Variants in ADGRL3 observed in about 807,000 individuals in gnomAD.
The protein encoded by ADGRL3 is calcium-independent alpha-latrotoxin receptor 3.
Under a neutral mutation model 153.5 loss-of-function variants are expected in ADGRL3, and 62 were observed. The observed-to-expected ratio is 0.40, with a 90% CI of 0.33 to 0.50. The LOEUF (loss-of-function observed/expected upper bound fraction) is 0.50. Ranked by LOEUF, ADGRL3 falls within the 20% of genes least tolerant of loss-of-function variation. ADGRL3 has a pLI of 0.47. For synonymous variants in ADGRL3, 710 were observed against 672.5 expected, an observed-to-expected ratio of 1.06 and a Z score of -0.86; for missense variants, 1,641 against 1,859.4, an observed-to-expected ratio of 0.88 and a Z score of 2.16.
chr4:61,310,044 T>C (rs150668489), intron 1 of ADGRL3, among the ~76,000 whole-genome samples: 1 of 151,520 alleles, frequency 6.6e-6, no homozygotes, highest in East Asian at 2.0e-4. Flanking sequence ...ACATTAGATA[T>C]AAATGCAATA....
intron 3 of ADGRL3, among the ~76,000 whole-genome samples, chr4:61,506,492 A>G (rs1327617573): frequency 1.3e-5 from 2 of 152,104 alleles, no homozygotes; most frequent in Non-Finnish European, 2.9e-5. Flanking sequence ...CTGGACTGTA[A>G]CTAAGTCTTT....
intron 21 of ADGRL3, among the ~76,000 whole-genome samples, chr4:62,014,687 G>C (rs1398093575): frequency 6.6e-6 from 1 of 152,080 alleles, no homozygotes; most frequent in Non-Finnish European, 1.5e-5. Context: ...TAAATCTTGA[G>C]AATCATGGCT....
chr4:61,701,776 G>T (rs1472392387), intron 6 of ADGRL3, among the ~76,000 whole-genome samples: 1 of 151,960 alleles, frequency 6.6e-6, no homozygotes, highest in African/African-American at 2.4e-5. Context: ...TGATAGCTTA[G>T]AAGGCACCTT....
At chr4:61,520,248 G>T (rs535515533) in intron 4 of ADGRL3, among the ~76,000 whole-genome samples, 3 of 152,102 alleles carry the variant, frequency 2.0e-5, no homozygotes, top group Non-Finnish European at 4.4e-5. Context: ...AGATATCAAG[G>T]CTTTCCCTAG....
At chr4:61,926,039 C>T (rs2098792959) in intron 13 of ADGRL3, among the ~76,000 whole-genome samples, 1 of 152,154 alleles carries the variant, frequency 6.6e-6, no homozygotes, top group Non-Finnish European at 1.5e-5. Flanking sequence ...CCTACTGCCC[C>T]TTAGGCAACA....
At chr4:61,567,511 G>A (rs2098821195) in intron 4 of ADGRL3, among the ~76,000 whole-genome samples, 2 of 152,178 alleles carry the variant, frequency 1.3e-5, no homozygotes, top group African/African-American at 4.8e-5. Flanking sequence ...ACAGCTAGAA[G>A]ATGCCGTCTA....
At chr4:61,488,250 C>T (rs2152766748) in intron 2 of ADGRL3, among the ~76,000 whole-genome samples, 1 of 152,022 alleles carries the variant, frequency 6.6e-6, no homozygotes, top group African/African-American at 2.4e-5. Context: ...TAAAATTACC[C>T]TAGAGAGATT....
chr4:61,578,414 T>G (rs192668556), intron 4 of ADGRL3, among the ~76,000 whole-genome samples: 39 of 152,194 alleles, frequency 2.6e-4, no homozygotes, highest in African/African-American at 8.7e-4. Context: ...AATAGCTCAT[T>G]CCAGTATCTT....
rs1745777901 is a variant in ADGRL3 at position 62,071,868 on chromosome 4, T to G, written c.*960T>G. The G allele has an allele frequency of 3.1e-6, 1 of 327,744 alleles. No individual in the cohort carries two copies. Among genetic ancestry groups the G allele is most frequent in the Non-Finnish European group, 5.9e-6 (1 of 170,808 alleles). The allele number at this position is 327,744 out of a possible 1,614,324, so 20.3% of individuals were successfully genotyped here. A position where few individuals can be genotyped will look rare whatever the true frequency, so the allele number is the denominator to read the frequency against. On this transcript the variant is annotated 3_prime_UTR_variant, in exon 27 of 27. Transcript: ENST00000683033. ...AATTATTTTTTACAAAAAAACAAAA[T>G]AAATAAAATTAGACTTCCTTCCCTC...
chr4:61,398,270 A>T (rs951840161), intron 2 of ADGRL3, among the ~76,000 whole-genome samples: 1 of 151,838 alleles, frequency 6.6e-6, no homozygotes, highest in Non-Finnish European at 1.5e-5. Context: ...GATGATTTTT[A>T]CTTTGAATTT....
At chr4:61,692,558 T>G (rs931386761) in intron 6 of ADGRL3, among the ~76,000 whole-genome samples, 4 of 151,808 alleles carry the variant, frequency 2.6e-5, no homozygotes, top group African/African-American at 9.7e-5. Context: ...TTCTCCTGCC[T>G]CAGCCTCCCA....
At chr4:62,005,642 G>A (rs959377330) in intron 21 of ADGRL3, among the ~76,000 whole-genome samples, 20 of 151,976 alleles carry the variant, frequency 1.3e-4, no homozygotes, top group African/African-American at 3.4e-4. Context: ...CAAGAAATGT[G>A]CAGTCAGACT....
At chr4:61,926,818 C>G (rs1273713501) in intron 13 of ADGRL3, among the ~76,000 whole-genome samples, 5 of 152,106 alleles carry the variant, frequency 3.3e-5, no homozygotes, top group Non-Finnish European at 7.4e-5. Context: ...AGTTTGCAAC[C>G]TCTTTGAAAT....
intron 4 of ADGRL3, among the ~76,000 whole-genome samples, chr4:61,574,413 T>C (rs1474528554): frequency 6.6e-6 from 1 of 151,970 alleles, no homozygotes; most frequent in East Asian, 1.9e-4. Flanking sequence ...AATTTTGAAA[T>C]AGTAAAATGT....
At chr4:61,844,600 A>ATATATATATATAT (rs2098091269) in intron 9 of ADGRL3, among the ~76,000 whole-genome samples, 1 of 126,348 alleles carries the variant, frequency 7.9e-6, no homozygotes, top group Non-Finnish European at 1.6e-5. Context: ...ATATATATTT[A>ATATATATATATAT]CTTTATTCAC....
intron 1 of ADGRL3, among the ~76,000 whole-genome samples, chr4:61,287,072 T>C (rs745754451): frequency 7.2e-5 from 11 of 151,798 alleles, no homozygotes; most frequent in Non-Finnish European, 1.3e-4. Flanking sequence ...GATTTTTTCA[T>C]AGTAGGGATT....
intron 13 of ADGRL3, among the ~76,000 whole-genome samples, chr4:61,926,460 G>A (rs1278782997): frequency 6.6e-6 from 1 of 152,004 alleles, no homozygotes; most frequent in Non-Finnish European, 1.5e-5. Context: ...TAACTAATCA[G>A]CAAATCATTT....
intron 2 of ADGRL3, among the ~76,000 whole-genome samples, chr4:61,438,698 C>T (rs1262877274): frequency 7.7e-6 from 1 of 130,400 alleles, no homozygotes; most frequent in Non-Finnish European, 1.6e-5. Flanking sequence ...TACTATGCTA[C>T]GATCTTTCTT....
chr4:61,469,105 T>C (rs34052785), intron 2 of ADGRL3, among the ~76,000 whole-genome samples: 7 of 152,026 alleles, frequency 4.6e-5, no homozygotes, highest in African/African-American at 7.2e-5. Context: ...CCACTACCCA[T>C]ATACTTAATT....
Sources: allele counts gnomAD v4.1 joint callset (sites outside exome capture counted in the v4.1 genomes callset), GRCh38; gene constraint gnomAD v4.1.1; transcripts MANE v1.5; gene names NCBI Gene and HGNC (gene_info 2026-07-23, HGNC 2026-07-21).